GRIK4: variants seen among roughly 807,000 people sequenced by gnomAD.
GRIK4 encodes glutamate receptor ionotropic, kainate 4.
GRIK4 carries 40 observed loss-of-function variants against 104.9 expected under a neutral mutation model. The observed-to-expected ratio is 0.38, with a 90% CI of 0.30 to 0.50. GRIK4 has a LOEUF of 0.50. GRIK4 is among the 20% of genes least tolerant of loss of function. GRIK4 has a pLI of 0.93. For missense variants in GRIK4, 1,047 were observed against 1,308.1 expected, an observed-to-expected ratio of 0.80 and a Z score of 3.08; for synonymous variants, 485 against 524.9, an observed-to-expected ratio of 0.92 and a Z score of 1.04.
At chr11:120,862,744 C>T (rs1199956488) in intron 9 of GRIK4, among the ~76,000 whole-genome samples, 1 of 152,182 alleles carries the variant, frequency 6.6e-6, no homozygotes, top group African/African-American at 2.4e-5. Context: ...TGGCCATTCT[C>T]CACTGAGTTG....
At chr11:120,851,768 CA>C (rs1953980230) in intron 8 of GRIK4, among the ~76,000 whole-genome samples, 1 of 152,030 alleles carries the variant, frequency 6.6e-6, no homozygotes, top group Admixed American at 6.5e-5. Context: ...GCAGAGTCAG[CA>C]AGATGCTCAG....
intron 1 of GRIK4, among the ~76,000 whole-genome samples, chr11:120,531,872 A>G (rs1041606197): frequency 6.6e-5 from 10 of 152,128 alleles, no homozygotes; most frequent in African/African-American, 2.4e-4. Context: ...CACCGTGCCC[A>G]GCCTGCCTGT....
At chr11:120,794,041 G>A (rs1381557519) in intron 3 of GRIK4, among the ~76,000 whole-genome samples, 2 of 151,242 alleles carry the variant, frequency 1.3e-5, no homozygotes, top group South Asian at 2.1e-4. Context: ...ATGGTTAGAG[G>A]TGAGGGGCAG....
Position 120,962,599 on chromosome 11 carries a change from G to C in GRIK4, c.2184G>C (p.Glu728Asp), listed in dbSNP as rs1217940036. 1 of 1,614,156 alleles carries C rather than the reference G, an allele frequency of 6.2e-7. No homozygotes were observed. ...TCCTCCTGGAATCCACCATGAACGA[G>C]TACTATCGGCAGCGAAACTGCAACC... ...YAFLLESTMN[E>D]YYRQRNCNLT... The change falls in exon 18 of 21, where the codon GAG becomes GAC. Residue 728 changes from glutamate (E) to aspartate (D), a missense_variant. Glu to Asp is a conservative substitution (Grantham distance 45, BLOSUM62 2). This residue lies in a region of GRIK4 where 440 missense variants were observed against 652.3 expected (regional missense o/e 0.67). Coordinates refer to ENST00000527524, the MANE Select transcript of GRIK4 (RefSeq NM_014619.5).
At chr11:120,534,102 A>ACC (rs1355501389) in intron 1 of GRIK4, among the ~76,000 whole-genome samples, 1 of 151,726 alleles carries the variant, frequency 6.6e-6, no homozygotes, top group African/African-American at 2.4e-5. Context: ...CGGGGTACAG[A>ACC]GGGGAGTGTG....
At chr11:120,832,115 G>A (rs1160922155) in intron 7 of GRIK4, 85 bp downstream of exon 7, 2 of 901,686 alleles carry the variant, frequency 2.2e-6, no homozygotes, top group Admixed American at 4.6e-5. Context: ...AGCTGAGGCT[G>A]ACGGAGCCCC....
intron 3 of GRIK4, among the ~76,000 whole-genome samples, chr11:120,724,366 A>G (rs956907064): frequency 8.5e-5 from 13 of 152,212 alleles, no homozygotes; most frequent in Non-Finnish European, 1.6e-4. Flanking sequence ...ACTACAATGT[A>G]TCTATCCATT....
intron 3 of GRIK4, among the ~76,000 whole-genome samples, chr11:120,739,461 T>C (rs1951288202): frequency 6.6e-6 from 1 of 152,134 alleles, no homozygotes; most frequent in African/African-American, 2.4e-5. Context: ...GGACCAGAGC[T>C]CCCTTGGAGG....
intron 3 of GRIK4, among the ~76,000 whole-genome samples, chr11:120,726,463 A>G (rs750530657): frequency 6.6e-6 from 1 of 152,204 alleles, no homozygotes; most frequent in Non-Finnish European, 1.5e-5. Flanking sequence ...GGTAAAAAGC[A>G]ATTGAATTAG....
intron 9 of GRIK4, among the ~76,000 whole-genome samples, chr11:120,866,088 C>T (rs1359342305): frequency 6.6e-6 from 1 of 152,194 alleles, no homozygotes; most frequent in Non-Finnish European, 1.5e-5. Context: ...CATCCACCCC[C>T]TTTATCCAAC....
chr11:120,776,809 C>T (rs1035815041), intron 3 of GRIK4, among the ~76,000 whole-genome samples: 16 of 152,170 alleles, frequency 1.1e-4, no homozygotes, highest in African/African-American at 3.6e-4. Context: ...TAGCACCTGG[C>T]GGTGTGGGTC....
At chr11:120,783,589 G>A (rs1278365809) in intron 3 of GRIK4, among the ~76,000 whole-genome samples, 1 of 152,034 alleles carries the variant, frequency 6.6e-6, no homozygotes, top group African/African-American at 2.4e-5. Flanking sequence ...AATTGCGTGG[G>A]CTCCACTAAA....
At chr11:120,635,042 G>A (rs1357671867) in intron 1 of GRIK4, among the ~76,000 whole-genome samples, 1 of 152,150 alleles carries the variant, frequency 6.6e-6, no homozygotes, top group African/African-American at 2.4e-5. Context: ...CTTGTTTCTT[G>A]CCTTCTTTCC....
chr11:120,908,438 TACACAC>T (rs1169027238), intron 13 of GRIK4, among the ~76,000 whole-genome samples: 16 of 34,106 alleles, frequency 4.7e-4, no homozygotes, highest in African/African-American at 8.6e-4. Flanking sequence ...CACACACACA[TACACAC>T]ACACACACAC....
intron 1 of GRIK4, among the ~76,000 whole-genome samples, chr11:120,640,942 C>A (rs1259050535): frequency 1.3e-5 from 2 of 152,220 alleles, no homozygotes; most frequent in East Asian, 3.9e-4. Context: ...GAACTCCTGA[C>A]CTCAGGCAAT....
intron 3 of GRIK4, among the ~76,000 whole-genome samples, chr11:120,701,065 A>G (rs1473770005): frequency 6.6e-6 from 1 of 152,206 alleles, no homozygotes; most frequent in Non-Finnish European, 1.5e-5. Context: ...AGGCTATACC[A>G]TCTAGGTTTG....
chr11:120,559,802 G>A (rs1948221278), intron 1 of GRIK4, among the ~76,000 whole-genome samples: 1 of 152,006 alleles, frequency 6.6e-6, no homozygotes. Flanking sequence ...TCTTACTTTT[G>A]CCAGCATGCC....
intron 3 of GRIK4, among the ~76,000 whole-genome samples, chr11:120,796,682 GCT>G (rs1429317988): frequency 2.6e-5 from 4 of 152,126 alleles, no homozygotes; most frequent in Non-Finnish European, 5.9e-5. Flanking sequence ...GTACATGGAG[GCT>G]CTGTCACCTT....
chr11:120,518,907 T>C (rs1364972926), intron 1 of GRIK4, among the ~76,000 whole-genome samples: 1 of 152,236 alleles, frequency 6.6e-6, no homozygotes, highest in Non-Finnish European at 1.5e-5. Context: ...CATGAGCCAC[T>C]GTGCCTGGCT....
Sources: allele counts gnomAD v4.1 joint callset (sites outside exome capture counted in the v4.1 genomes callset), GRCh38; gene constraint gnomAD v4.1.1; regional missense constraint gnomAD v4.1.1; transcripts MANE v1.5; gene names NCBI Gene and HGNC (gene_info 2026-07-23, HGNC 2026-07-21).